Variants in KLHDC1 observed in about 807,000 individuals in gnomAD.
KLHDC1 encodes the protein kelch domain-containing protein 1.
A neutral mutation model predicts 68.3 loss-of-function variants in KLHDC1; 53 were observed. The ratio of observed to expected loss-of-function variants is 0.78; its 90% confidence interval spans 0.62 to 0.98. The LOEUF is 0.98. Ranked by LOEUF, KLHDC1 falls within the 50% of genes least tolerant of loss-of-function variation. The pLI is 0.00. For missense variants in KLHDC1, 470 were observed against 492.3 expected (o/e 0.95, Z 0.43); for synonymous variants, 148 against 159.0 (o/e 0.93, Z 0.52).
chr14:49,700,656 G>A (rs1404583529), intron 1 of KLHDC1, among the ~76,000 whole-genome samples: 3 of 152,130 alleles, frequency 2.0e-5, no homozygotes, highest in African/African-American at 7.2e-5. Context: ...AGGGAAGAAG[G>A]ATCAATTTAG....
rs201086578 is a variant in KLHDC1 at position 49,693,156 on chromosome 14, G to A, written c.-39G>A. ...GAGGCGAGGCCGCCGGGCGGGCAGG[G>A]GTTGTGGCGCGGCAAGCGGCGGGCC... On this transcript the variant is annotated 5_prime_UTR_variant, in exon 1 of 13. Coordinates refer to ENST00000359332, the MANE Select transcript of KLHDC1 (RefSeq NM_172193.3). 1.1e-3 allele frequency: 1,745 copies of A among 1,547,746 alleles called. 31 individuals are homozygous for A. The East Asian group carries it at 0.039, about 35-fold the overall frequency.
rs1889322204 is a variant in KLHDC1, at chr14:49,751,638, T to A, written c.1087T>A (p.Ser363Thr). The A allele has an allele frequency of 6.3e-7, 1 of 1,598,910 alleles. No homozygotes were observed. Among genetic ancestry groups the A allele is most frequent in the African/African-American group, 1.3e-5 (1 of 74,402 alleles). Residue 363 changes from serine (S) to threonine (T), a missense_variant, in exon 13 of 13, where the codon TCT becomes ACT. Physicochemically the swap from Ser to Thr is moderately conservative, Grantham distance 58 (BLOSUM62 1). Coordinates refer to ENST00000359332, the MANE Select transcript of KLHDC1 (RefSeq NM_172193.3). ...KNSIMLESQI[S>T]LLPPKLLQQV... Reference sequence around the variant, plus strand: ...TTCTATCATGTTAGAAAGTCAGATATCTTTATTACCTCCTAAACTTCTGCA... The same window carrying A: ...TTCTATCATGTTAGAAAGTCAGATAACTTTATTACCTCCTAAACTTCTGCA...
At chr14:49,721,792 G>A (rs1168064168) in intron 4 of KLHDC1, among the ~76,000 whole-genome samples, 3 of 152,150 alleles carry the variant, frequency 2.0e-5, no homozygotes, top group Non-Finnish European at 2.9e-5. Context: ...CCAGTTGGTA[G>A]GTCATTGGCC....
chr14:49,698,507 T>TTTTTG lies in KLHDC1; in HGVS notation c.96+5237_96+5241dup, dbSNP rs967408060. 1.3e-4 allele frequency among the ~76,000 whole-genome samples: 19 copies of TTTTTG among 142,634 alleles called. 1 individual carries two copies. In the East Asian group the frequency reaches 1.5e-3, roughly 12 times the overall value. The allele number at this position is 142,634 out of a possible 152,430, so 93.6% of individuals were successfully genotyped here. On this transcript the variant is annotated intron_variant, in intron 1 of 12. Transcript: ENST00000359332. ...CTGAGCCACCGCGCTCGGCCTTTGT[T>TTTTTG]TTTTGTTTTGTTTTGTTTTGTTTTT...
chr14:49,740,684 C>T (rs1392488009), intron 11 of KLHDC1, among the ~76,000 whole-genome samples: 1 of 152,072 alleles, frequency 6.6e-6, no homozygotes, highest in Non-Finnish European at 1.5e-5. Context: ...TTTGGATTTA[C>T]AAATCAAAAT....
intron 2 of KLHDC1, 115 bp downstream of exon 2, chr14:49,709,344 CCCTTT>C (rs1888138926): frequency 5.6e-6 from 3 of 532,546 alleles, no homozygotes; most frequent in South Asian, 3.2e-5. Flanking sequence ...TTTGAAGTCT[CCCTTT>C]CCTTTCCTTT....
intron 9 of KLHDC1, among the ~76,000 whole-genome samples, chr14:49,733,270 G>GT (rs1888858423): frequency 6.6e-6 from 1 of 152,066 alleles, no homozygotes; most frequent in African/African-American, 2.4e-5. Flanking sequence ...GTTTAGCTAG[G>GT]TTTTTTAAAC....
At chr14:49,716,692 C>G (rs986790237) in intron 4 of KLHDC1, among the ~76,000 whole-genome samples, 4 of 152,008 alleles carry the variant, frequency 2.6e-5, no homozygotes, top group Non-Finnish European at 5.9e-5. Flanking sequence ...CTTGCTATAC[C>G]TTTTTGAAAG....
At position 49,748,764 on chromosome 14, in the gene KLHDC1, G is replaced by GTA. The variant is rs201694537; in HGVS notation, c.1035-2814_1035-2813dup. Among the ~76,000 whole-genome samples, 944 of 151,294 alleles carry GTA rather than the reference G, an allele frequency of 6.2e-3. 13 individuals carry two copies. The highest frequency in any genetic ancestry group is 0.022 in the African/African-American group (905 of 41,232). On this transcript the variant is annotated intron_variant, in intron 12 of 12. Coordinates refer to ENST00000359332, the MANE Select transcript of KLHDC1 (RefSeq NM_172193.3). ...TAGTAAAATTATAAAAATTGTACAT[G>GTA]TATATATATGTATATATATACTGAG... is the stretch of plus-strand genomic sequence containing the variant.
chr14:49,721,770 A>G (rs1026000383), intron 4 of KLHDC1, among the ~76,000 whole-genome samples: 7 of 151,960 alleles, frequency 4.6e-5, no homozygotes, highest in Non-Finnish European at 1.0e-4. Context: ...AGATCTCTCC[A>G]TGTTTTATAG....
chr14:49,735,349 C>T lies in KLHDC1; in HGVS notation c.896+688C>T, dbSNP rs181113181. ...CATTATAATTGGTAATTCTTTTTTA[C>T]GCTATGTATTTTAGAATTTTAAAAA... On this transcript the variant is annotated intron_variant, in intron 10 of 12. Transcript: ENST00000359332. Among the ~76,000 whole-genome samples the T allele has an allele frequency of 5.5e-4, 84 of 151,682 alleles. 1 individual carries two copies. In the East Asian group the frequency reaches 0.013, roughly 24 times the overall value.
chr14:49,700,114 C>T (rs1175196488), intron 1 of KLHDC1: 2 of 295,130 alleles, frequency 6.8e-6, no homozygotes, highest in African/African-American at 2.3e-5. Flanking sequence ...GCAACCTCCG[C>T]CTCCCAGGTT....
In KLHDC1 at chr14:49,751,633, A is replaced by G; in HGVS notation, c.1082A>G (p.Gln361Arg). The change falls in exon 13 of 13, where the codon CAG becomes CGG. Residue 361 changes from glutamine to arginine, a missense_variant. Transcript: ENST00000359332. The stretch of plus-strand genomic sequence containing the variant: ...AAAAATTCTATCATGTTAGAAAGTC[A>G]GATATCTTTATTACCTCCTAAACTT... ...IGKNSIMLESQISLLPPKLLQ... is the reference protein window; with the variant it reads ...IGKNSIMLESRISLLPPKLLQ... The G allele has an allele frequency of 6.3e-7, 1 of 1,592,860 alleles. No homozygotes were observed. The highest frequency in any genetic ancestry group is 8.6e-7 in the Non-Finnish European group (1 of 1,168,310).
chr14:49,737,093 A>G (rs1470605128), intron 10 of KLHDC1, among the ~76,000 whole-genome samples: 1 of 152,222 alleles, frequency 6.6e-6, no homozygotes, highest in Non-Finnish European at 1.5e-5. Context: ...AGTATCGCCA[A>G]GGTTACACAT....
chr14:49,701,453 A>C (rs1237445342), intron 1 of KLHDC1, among the ~76,000 whole-genome samples: 1 of 152,108 alleles, frequency 6.6e-6, no homozygotes, highest in Non-Finnish European at 1.5e-5. Flanking sequence ...TGACATTGGG[A>C]GTTCGAGACA....
chr14:49,703,092 T>C (rs1020138427), intron 1 of KLHDC1, among the ~76,000 whole-genome samples: 1 of 152,072 alleles, frequency 6.6e-6, no homozygotes, highest in South Asian at 2.1e-4. Context: ...TACAATAGAA[T>C]GTATAAAATA....
At chr14:49,730,251 T>A (rs1594673445) in intron 8 of KLHDC1, among the ~76,000 whole-genome samples, 1 of 135,090 alleles carries the variant, frequency 7.4e-6, no homozygotes, top group Non-Finnish European at 1.5e-5. Flanking sequence ...TGAGACAGAG[T>A]CTTGCTCTGT....
intron 1 of KLHDC1, among the ~76,000 whole-genome samples, chr14:49,702,270 G>A (rs1887929939): frequency 6.6e-6 from 1 of 151,988 alleles, no homozygotes; most frequent in Non-Finnish European, 1.5e-5. Context: ...GGAAACCCAG[G>A]TAAAAATTAC....
At chr14:49,701,455 T>A (rs1204913836) in intron 1 of KLHDC1, among the ~76,000 whole-genome samples, 1 of 151,850 alleles carries the variant, frequency 6.6e-6, no homozygotes, top group East Asian at 1.9e-4. Flanking sequence ...ACATTGGGAG[T>A]TCGAGACAAG....
Sources: gnomAD v4.1 joint callset for allele counts (sites outside exome capture counted in the v4.1 genomes callset) on GRCh38, gnomAD v4.1.1 for gene constraint, MANE v1.5 for transcripts, NCBI Gene and HGNC (gene_info 2026-07-23, HGNC 2026-07-21) for gene names.